The following ZNF804A variants were observed in gnomAD, a reference collection of about 807,000 sequenced individuals.
The protein encoded by ZNF804A is zinc finger protein 804A.
Under a neutral mutation model 16.5 loss-of-function variants are expected in ZNF804A, and 2 were observed. That is an observed-to-expected ratio of 0.12 (90% CI 0.05 to 0.38). The LOEUF (loss-of-function observed/expected upper bound fraction) is 0.38, where lower values mean the gene tolerates loss of function less well. Among genes scored for constraint, ZNF804A ranks in the 10% least tolerant of loss-of-function variants. The probability of loss-of-function intolerance (pLI) is 0.99; values close to 1 mark genes in which losing one functional copy is unlikely to be tolerated. For missense variants in ZNF804A, 1,473 were observed against 1,390.7 expected, an observed-to-expected ratio of 1.06 and a Z score of -0.94; for synonymous variants, 534 against 489.6, an observed-to-expected ratio of 1.09 and a Z score of -1.20.
chr2:184,700,519 C>A (rs763555366), intron 1 of ZNF804A, among the ~76,000 whole-genome samples: 1 of 151,936 alleles, frequency 6.6e-6, no homozygotes, highest in Non-Finnish European at 1.5e-5. Flanking sequence ...TAATAAACAC[C>A]ATATATTTGA....
In ZNF804A at chr2:184,667,154, A is replaced by G. The variant is rs80140695; in HGVS notation, c.111+68084A>G. On this transcript the variant is annotated intron_variant, in intron 1 of 3. Transcript: ENST00000302277. The stretch of plus-strand genomic sequence containing the variant: ...TATAATTTGAATTTTAGTGCTTTAT[A>G]CTATATTTTAAATAAATGTTGCCTT... Among the ~76,000 whole-genome samples, 1,085 of 152,048 alleles carry G rather than the reference A, an allele frequency of 7.1e-3. 6 individuals are homozygous for G. Among genetic ancestry groups the G allele is most frequent in the Non-Finnish European group, 0.012 (790 of 67,818 alleles).
At chr2:184,667,225 T>A (rs1442392055) in intron 1 of ZNF804A, among the ~76,000 whole-genome samples, 1 of 151,944 alleles carries the variant, frequency 6.6e-6, no homozygotes, top group Non-Finnish European at 1.5e-5. Flanking sequence ...TTGACTAGAA[T>A]TGTATTTAGT....
At chr2:184,604,146 CTTTTTTTTTTTTTTTTTTTTTTTTT>C (rs759053144) in intron 1 of ZNF804A, among the ~76,000 whole-genome samples, 29 of 44,900 alleles carry the variant, frequency 6.5e-4, no homozygotes, top group East Asian at 3.4e-3. Context: ...ACTGCAATTA[CTTTTTTTTTTTTTTTTTTTTTTTTT>C]TTTTTTTTTT....
chr2:184,766,629 C>CAAA (rs1232594654), intron 1 of ZNF804A, among the ~76,000 whole-genome samples: 1 of 97,854 alleles, frequency 1.0e-5, no homozygotes. Flanking sequence ...GGTGGTTGCT[C>CAAA]AAAAAAAAAA....
chr2:184,842,558 T>C (rs1285340979), intron 1 of ZNF804A, among the ~76,000 whole-genome samples: 3 of 151,982 alleles, frequency 2.0e-5, no homozygotes, highest in African/African-American at 7.2e-5. Flanking sequence ...TAGGAAATAG[T>C]AGAACTAGTA....
chr2:184,745,417 T>C (rs1040798128), intron 1 of ZNF804A, among the ~76,000 whole-genome samples: 1 of 151,692 alleles, frequency 6.6e-6, no homozygotes, highest in Non-Finnish European at 1.5e-5. Context: ...AATTAGGAGA[T>C]TAATAATTTT....
intron 1 of ZNF804A, among the ~76,000 whole-genome samples, chr2:184,702,004 C>A (rs1692926548): frequency 6.6e-6 from 1 of 151,704 alleles, no homozygotes; most frequent in South Asian, 2.1e-4. Flanking sequence ...AATTATAGGT[C>A]TTTGGAGAAA....
chr2:184,651,803 A>G (rs886794337), intron 1 of ZNF804A, among the ~76,000 whole-genome samples: 1 of 152,184 alleles, frequency 6.6e-6, no homozygotes, highest in Non-Finnish European at 1.5e-5. Flanking sequence ...GATGCTGGCA[A>G]TGCTGTGGAG....
At chr2:184,634,346 T>G (rs561157749) in intron 1 of ZNF804A, among the ~76,000 whole-genome samples, 4 of 152,220 alleles carry the variant, frequency 2.6e-5, no homozygotes, top group Non-Finnish European at 5.9e-5. Flanking sequence ...CCCCCTCAGA[T>G]GTCCACATAT....
At chr2:184,919,384 C>G (rs1052444561) in intron 2 of ZNF804A, among the ~76,000 whole-genome samples, 1 of 152,184 alleles carries the variant, frequency 6.6e-6, no homozygotes, top group African/African-American at 2.4e-5. Flanking sequence ...CCAGGTCAAC[C>G]TTGGTGAGTG....
At chr2:184,899,055 A>G (rs1685134192) in intron 2 of ZNF804A, among the ~76,000 whole-genome samples, 2 of 151,888 alleles carry the variant, frequency 1.3e-5, no homozygotes, top group African/African-American at 4.8e-5. Flanking sequence ...AGTGGTGGTA[A>G]GATTATTGAA....
intron 1 of ZNF804A, among the ~76,000 whole-genome samples, chr2:184,781,349 T>A (rs13017390): frequency 0.14 from 21,938 of 151,718 alleles, 1,727 homozygotes; most frequent in Middle Eastern, 0.24. Context: ...AAAAATAAGC[T>A]ATACTTTTCC....
intron 2 of ZNF804A, among the ~76,000 whole-genome samples, chr2:184,908,741 T>C (rs541855627): frequency 1.4e-4 from 22 of 152,286 alleles, no homozygotes; most frequent in African/African-American, 5.1e-4. Context: ...TTCACTGTTA[T>C]AATACATATT....
At chr2:184,922,151 T>A (rs1031982851) in intron 2 of ZNF804A, among the ~76,000 whole-genome samples, 9 of 152,098 alleles carry the variant, frequency 5.9e-5, no homozygotes, top group African/African-American at 2.2e-4. Context: ...GATTGTATGG[T>A]AGCTCTATTT....
intron 1 of ZNF804A, among the ~76,000 whole-genome samples, chr2:184,756,216 G>A (rs1445363566): frequency 6.6e-6 from 1 of 151,420 alleles, no homozygotes; most frequent in Non-Finnish European, 1.5e-5. Context: ...TTATTTAAAA[G>A]GGACTTTATT....
At chr2:184,776,538 T>C (rs1168869673) in intron 1 of ZNF804A, among the ~76,000 whole-genome samples, 3 of 151,346 alleles carry the variant, frequency 2.0e-5, no homozygotes, top group Admixed American at 6.6e-5. Flanking sequence ...GTGTAATTAT[T>C]CTCTCTGTCA....
At chr2:184,654,517 G>T (rs1692043731) in intron 1 of ZNF804A, among the ~76,000 whole-genome samples, 1 of 152,058 alleles carries the variant, frequency 6.6e-6, no homozygotes, top group African/African-American at 2.4e-5. Flanking sequence ...TACATTGTTT[G>T]GCTGTTGTTT....
At chr2:184,667,633 G>T (rs1692272879) in intron 1 of ZNF804A, among the ~76,000 whole-genome samples, 2 of 151,740 alleles carry the variant, frequency 1.3e-5, no homozygotes, top group Admixed American at 1.3e-4. Context: ...TTTAGAAAAT[G>T]CCATTAAAGA....
rs544302249 is a variant in ZNF804A at position 184,714,798 on chromosome 2, T to C, written c.111+115728T>C. 3.9e-5 allele frequency among the ~76,000 whole-genome samples: 6 copies of C among 152,296 alleles called. No homozygotes were observed. The South Asian group carries it at 1.2e-3, about 32-fold the overall frequency. On this transcript the variant is annotated intron_variant, in intron 1 of 3. Coordinates refer to ENST00000302277, the MANE Select transcript of ZNF804A (RefSeq NM_194250.2). ...CATGTACACAACAATATCTAATTCA[T>C]AGTTTTGGAGAATATTTTAAGACAA...
Sources: allele counts gnomAD v4.1 joint callset (sites outside exome capture counted in the v4.1 genomes callset), GRCh38; gene constraint gnomAD v4.1.1; transcripts MANE v1.5; gene names NCBI Gene and HGNC (gene_info 2026-07-23, HGNC 2026-07-21).